HNRNPC: variants seen among roughly 807,000 people sequenced by gnomAD.
HNRNPC encodes the protein heterogeneous nuclear ribonucleoproteins C1/C2.
Under a neutral mutation model 33.2 loss-of-function variants are expected in HNRNPC, and 3 were observed. The observed-to-expected ratio is 0.09, with a 90% confidence interval of 0.04 to 0.23. The LOEUF is 0.23. Ranked by LOEUF, HNRNPC falls within the 10% of genes least tolerant of loss-of-function variation. HNRNPC has a pLI of 1.00. For synonymous variants in HNRNPC, 121 were observed against 126.7 expected, an observed-to-expected ratio of 0.96 and a Z score of 0.30; for missense variants, 143 against 366.7, an observed-to-expected ratio of 0.39 and a Z score of 4.98.
chr14:21,242,182 T>TATA (rs916654780), intron 2 of HNRNPC, among the ~76,000 whole-genome samples: 2 of 151,898 alleles, frequency 1.3e-5, no homozygotes, highest in South Asian at 2.1e-4. Context: ...TATAATCATA[T>TATA]ATAATAATAA....
chr14:21,235,240 A>C (rs1894561632), intron 2 of HNRNPC, among the ~76,000 whole-genome samples: 1 of 152,148 alleles, frequency 6.6e-6, no homozygotes, highest in South Asian at 2.1e-4. Context: ...AAGATTTAAA[A>C]ACATTCTTAA....
chr14:21,227,285 A>G (rs998942576), intron 5 of HNRNPC, among the ~76,000 whole-genome samples: 3 of 152,080 alleles, frequency 2.0e-5, no homozygotes, highest in African/African-American at 7.2e-5. Context: ...CTCCAACCCA[A>G]CTTGAGTAAG....
At chr14:21,225,792 C>T (rs560654579) in intron 5 of HNRNPC, among the ~76,000 whole-genome samples, 64 of 152,206 alleles carry the variant, frequency 4.2e-4, no homozygotes, top group African/African-American at 1.5e-3. Flanking sequence ...GGTGCCACTC[C>T]GTGGTTTTTA....
intron 2 of HNRNPC, among the ~76,000 whole-genome samples, chr14:21,241,257 C>CAAAAAA (rs56033944): frequency 1.1e-5 from 1 of 94,028 alleles, no homozygotes; most frequent in Non-Finnish European, 2.0e-5. Context: ...GACTATGTCT[C>CAAAAAA]AAAAAAAAAA....
At chr14:21,243,126 G>C (rs967701285) in intron 2 of HNRNPC, among the ~76,000 whole-genome samples, 11 of 152,114 alleles carry the variant, frequency 7.2e-5, no homozygotes, top group African/African-American at 2.7e-4. Flanking sequence ...GGTGGGCAGT[G>C]TGTGAATTCT....
chr14:21,245,779 C>T (rs1895914308), intron 2 of HNRNPC, among the ~76,000 whole-genome samples: 4 of 152,120 alleles, frequency 2.6e-5, no homozygotes, highest in Admixed American at 1.3e-4. Flanking sequence ...TAGCCTAAGC[C>T]TATAGGTGTT....
rs570008722 is a variant in HNRNPC at position 21,218,056 on chromosome 14, T to G, written c.366-4939A>C. On this transcript the variant is annotated intron_variant, in intron 5 of 8. Coordinates refer to ENST00000553300, the MANE Select transcript of HNRNPC (RefSeq NM_004500.4). ...TTAAGAAAGGGAAAAAAAAAATCCC[T>G]GGCTTTTCTTGTTTATATGCCTCAG... Among the ~76,000 whole-genome samples the G allele has an allele frequency of 1.1e-4, 17 of 152,292 alleles. No homozygotes were observed. The South Asian group carries it at 2.5e-3, about 22-fold the overall frequency.
intron 5 of HNRNPC, among the ~76,000 whole-genome samples, chr14:21,215,190 C>T (rs879934176): frequency 6.6e-6 from 1 of 152,122 alleles, no homozygotes; most frequent in Admixed American, 6.5e-5. Context: ...CTTTTAGTTA[C>T]ACAGAATGCT....
intron 3 of HNRNPC, among the ~76,000 whole-genome samples, chr14:21,231,845 A>G (rs566693818): frequency 6.6e-6 from 1 of 152,244 alleles, no homozygotes; most frequent in Non-Finnish European, 1.5e-5. Flanking sequence ...AGAATGGTTC[A>G]GCTCATTCCG....
At chr14:21,252,357 C>G (rs1330814865) in intron 2 of HNRNPC, among the ~76,000 whole-genome samples, 2 of 152,306 alleles carry the variant, frequency 1.3e-5, no homozygotes, top group South Asian at 2.1e-4. Flanking sequence ...ATCACCCAGG[C>G]TGGAGTGCAG....
chr14:21,254,897 G>C (rs1376670137), intron 2 of HNRNPC, among the ~76,000 whole-genome samples: 1 of 151,282 alleles, frequency 6.6e-6, no homozygotes, highest in Non-Finnish European at 1.5e-5. Flanking sequence ...ACTCCAGCCT[G>C]GGCAACAGAG....
intron 2 of HNRNPC, among the ~76,000 whole-genome samples, chr14:21,242,252 A>C (rs1353965241): frequency 1.3e-5 from 2 of 152,240 alleles, no homozygotes; most frequent in African/African-American, 4.8e-5. Context: ...TGGGAGGCCA[A>C]GGCAGGAAGA....
At chr14:21,241,387 G>T (rs574064410) in intron 2 of HNRNPC, among the ~76,000 whole-genome samples, 3 of 151,498 alleles carry the variant, frequency 2.0e-5, no homozygotes, top group African/African-American at 7.3e-5. Context: ...CTTCTTTGCA[G>T]AATTTCAAAG....
At chr14:21,258,107 G>A (rs1160028010) in intron 2 of HNRNPC, among the ~76,000 whole-genome samples, 1 of 152,056 alleles carries the variant, frequency 6.6e-6, no homozygotes, top group Admixed American at 6.6e-5. Context: ...TTTCTAGAAT[G>A]CTCAGCCGGA....
At chr14:21,213,193 A>G in intron 5 of HNRNPC, 76 bp from the exon 6 acceptor site, 2 of 1,401,046 alleles carry the variant, frequency 1.4e-6, no homozygotes, top group Non-Finnish European at 2.0e-6. Flanking sequence ...CTTATGATAA[A>G]TAGTAAGTGA....
chr14:21,241,276 A>C (rs1201505867), intron 2 of HNRNPC, among the ~76,000 whole-genome samples: 8 of 149,376 alleles, frequency 5.4e-5, no homozygotes, highest in East Asian at 2.0e-4. Flanking sequence ...AAAAAAAAAA[A>C]CCACAACCAT....
intron 2 of HNRNPC, among the ~76,000 whole-genome samples, chr14:21,253,461 C>CAAAA (rs71112561): frequency 1.1e-3 from 87 of 77,176 alleles, no homozygotes; most frequent in East Asian, 3.0e-3. Flanking sequence ...GACTCCATCT[C>CAAAA]AAAAAAAAAA....
At position 21,253,742 on chromosome 14, in the gene HNRNPC, T is replaced by C. The variant is rs533157773; in HGVS notation, c.-37+9569A>G. ...CACTGCCAATAAATTGCTAAACTTA[T>C]TAGCTTCTGGAGAACAAACTTAAGA... On this transcript the variant is annotated intron_variant, in intron 2 of 8. Transcript: ENST00000553300. Among the ~76,000 whole-genome samples the C allele has an allele frequency of 7.2e-5, 11 of 152,122 alleles. No individual in the cohort carries two copies. In the South Asian group the frequency reaches 1.2e-3, roughly 17 times the overall value.
intron 2 of HNRNPC, among the ~76,000 whole-genome samples, chr14:21,244,250 C>A (rs1256188288): frequency 6.6e-6 from 1 of 152,214 alleles, no homozygotes; most frequent in Non-Finnish European, 1.5e-5. Flanking sequence ...CCGCCGACCT[C>A]CACGTTCCAA....
Sources: allele counts gnomAD v4.1 joint callset (sites outside exome capture counted in the v4.1 genomes callset), GRCh38; gene constraint gnomAD v4.1.1; transcripts MANE v1.5; gene names NCBI Gene and HGNC (gene_info 2026-07-23, HGNC 2026-07-21).